Variants in NTM observed in about 807,000 individuals in gnomAD.
NTM encodes IgLON family member 2.
A neutral mutation model predicts 42.1 loss-of-function variants in NTM; 13 were observed. That is an observed-to-expected ratio of 0.31 (90% CI 0.20 to 0.49). The LOEUF is 0.49. Ranked by LOEUF, NTM falls within the 20% of genes least tolerant of loss-of-function variation. The pLI, the probability that NTM is intolerant of heterozygous loss-of-function variation, is 0.99. For missense variants in NTM, 373 were observed against 452.8 expected (o/e 0.82, Z 1.60); for synonymous variants, 187 against 179.2 (o/e 1.04, Z -0.35).
At chr11:131,417,592 C>T (rs1321306717) in intron 1 of NTM, among the ~76,000 whole-genome samples, 1 of 152,104 alleles carries the variant, frequency 6.6e-6, no homozygotes, top group Non-Finnish European at 1.5e-5. Context: ...ATTAGGGCTA[C>T]TGTTGCTGGA....
At chr11:131,682,121 C>T (rs941023920) in intron 1 of NTM, among the ~76,000 whole-genome samples, 2 of 152,168 alleles carry the variant, frequency 1.3e-5, no homozygotes, top group Non-Finnish European at 1.5e-5. Flanking sequence ...GTGGCTGGGT[C>T]ATCACTGGGT....
chr11:132,043,934 A>G (rs2077535178), intron 2 of NTM, among the ~76,000 whole-genome samples: 2 of 151,690 alleles, frequency 1.3e-5, no homozygotes, highest in African/African-American at 4.8e-5. Flanking sequence ...CCATCTCAGC[A>G]TTTTAAGAAG....
At chr11:131,470,558 AT>A (rs540814047) in intron 1 of NTM, among the ~76,000 whole-genome samples, 243 of 152,326 alleles carry the variant, frequency 1.6e-3, no homozygotes, top group African/African-American at 5.7e-3. Flanking sequence ...GGAAAGTGAG[AT>A]AGTCCAGAGC....
At chr11:131,439,512 A>G (rs1210614570) in intron 1 of NTM, among the ~76,000 whole-genome samples, 1 of 152,168 alleles carries the variant, frequency 6.6e-6, no homozygotes, top group African/African-American at 2.4e-5. Context: ...AGTCTCAGCA[A>G]TGGTGGATGC....
chr11:131,388,424 G>GT (rs374892633), intron 1 of NTM, among the ~76,000 whole-genome samples: 6,326 of 110,158 alleles, frequency 0.057, 259 homozygotes, highest in African/African-American at 0.13. Flanking sequence ...TGGGTTTTGG[G>GT]TTTTTTTTTT....
intron 1 of NTM, among the ~76,000 whole-genome samples, chr11:131,821,358 T>G (rs1008810142): frequency 2.6e-5 from 4 of 152,212 alleles, no homozygotes; most frequent in African/African-American, 7.2e-5. Context: ...GGGCAATTCC[T>G]GCTGTGTGAA....
At chr11:131,469,392 G>A (rs1052730439) in intron 1 of NTM, among the ~76,000 whole-genome samples, 6 of 152,116 alleles carry the variant, frequency 3.9e-5, no homozygotes, top group Non-Finnish European at 8.8e-5. Flanking sequence ...CTGTTTTTAT[G>A]ACACTTGGGT....
chr11:132,068,759 C>T (rs770405167), intron 2 of NTM, among the ~76,000 whole-genome samples: 2 of 152,176 alleles, frequency 1.3e-5, no homozygotes, highest in Non-Finnish European at 2.9e-5. Flanking sequence ...CTAGGCAAGT[C>T]TGAAATCTGT....
intron 1 of NTM, among the ~76,000 whole-genome samples, chr11:131,809,778 C>T (rs999702073): frequency 4.6e-5 from 7 of 152,168 alleles, no homozygotes; most frequent in African/African-American, 7.2e-5. Context: ...TTGTCAAAGA[C>T]GTGGGCCAGG....
chr11:132,287,965 G>A (rs2094313045), intron 4 of NTM, among the ~76,000 whole-genome samples: 1 of 152,224 alleles, frequency 6.6e-6, no homozygotes, highest in African/African-American at 2.4e-5. Context: ...CATTTATGTG[G>A]TTCAAGGGTA....
rs567829123 is a variant in NTM at position 131,453,622 on chromosome 11, G to T, written c.82+82734G>T. On this transcript the variant is annotated intron_variant, in intron 1 of 8. Coordinates refer to ENST00000683400, the MANE Select transcript of NTM (RefSeq NM_001352005.2). ...TAGCAAGTCCACAAGGAGCCTTCTG[G>T]AATACCCACCTTCCTGGTGTATTGG... Among the ~76,000 whole-genome samples the T allele has an allele frequency of 5.3e-5, 8 of 152,256 alleles. No individual in the cohort carries two copies. In the East Asian group the frequency reaches 1.4e-3, roughly 26 times the overall value.
At chr11:131,692,296 G>C (rs2074882166) in intron 1 of NTM, among the ~76,000 whole-genome samples, 1 of 151,890 alleles carries the variant, frequency 6.6e-6, no homozygotes, top group African/African-American at 2.4e-5. Flanking sequence ...TGCTGACACA[G>C]GGCTAGCCTA....
At chr11:131,494,102 G>T (rs1253808930) in intron 1 of NTM, among the ~76,000 whole-genome samples, 1 of 152,074 alleles carries the variant, frequency 6.6e-6, no homozygotes, top group Non-Finnish European at 1.5e-5. Context: ...TACCCTTCAA[G>T]ATCTTATATA....
chr11:131,737,737 C>T (rs1565485574), intron 1 of NTM, among the ~76,000 whole-genome samples: 1 of 152,082 alleles, frequency 6.6e-6, no homozygotes, highest in East Asian at 1.9e-4. Flanking sequence ...GAATCCGACT[C>T]TTGATTTCTG....
intron 2 of NTM, among the ~76,000 whole-genome samples, chr11:132,008,302 C>G (rs146502194): frequency 2.0e-3 from 303 of 152,302 alleles, no homozygotes; most frequent in African/African-American, 6.9e-3. Context: ...CTTTCTGAGT[C>G]TTGGTTTTCC....
intron 3 of NTM, among the ~76,000 whole-genome samples, chr11:132,174,037 T>C (rs191521066): frequency 6.0e-4 from 91 of 152,300 alleles, no homozygotes; most frequent in African/African-American, 2.1e-3. Flanking sequence ...TGTTTGGTCC[T>C]ATCTGGTCCC....
rs192604912 is a variant in NTM, at chr11:131,439,802, T to A, written c.82+68914T>A. 3.6e-3 allele frequency among the ~76,000 whole-genome samples: 554 copies of A among 152,218 alleles called. 5 individuals carry two copies. Among genetic ancestry groups the A allele is most frequent in the African/African-American group, 0.012 (490 of 41,562 alleles). On this transcript the variant is annotated intron_variant, in intron 1 of 8. Coordinates refer to ENST00000683400, the MANE Select transcript of NTM (RefSeq NM_001352005.2). ...TGCCCTGCCCTGTTTCAGCTCACCC[T>A]CCATGGGCTGCACCCACTGTCCAAC...
intron 1 of NTM, among the ~76,000 whole-genome samples, chr11:131,569,811 C>T (rs1214313274): frequency 1.3e-5 from 2 of 152,120 alleles, no homozygotes; most frequent in Admixed American, 6.5e-5. Flanking sequence ...AAACTCTTGG[C>T]CTCAAGTAAT....
chr11:132,105,745 G>T (rs2062284623), intron 2 of NTM, among the ~76,000 whole-genome samples: 1 of 152,316 alleles, frequency 6.6e-6, no homozygotes, highest in Non-Finnish European at 1.5e-5. Flanking sequence ...GACACTGCAG[G>T]CTTCTGTCAT....
Sources: gnomAD v4.1 joint callset for allele counts (sites outside exome capture counted in the v4.1 genomes callset) on GRCh38, gnomAD v4.1.1 for gene constraint, MANE v1.5 for transcripts, NCBI Gene and HGNC (gene_info 2026-07-23, HGNC 2026-07-21) for gene names.